B3GALT1: variants seen among roughly 807,000 people sequenced by gnomAD.
The protein encoded by B3GALT1 is UDP-Gal:betaGlcNAc beta 1,3-galactosyltransferase, polypeptide 1.
In B3GALT1, 10 loss-of-function variants were observed where a neutral mutation model predicts 23.2. That is an observed-to-expected ratio of 0.43 (90% CI 0.27 to 0.73). B3GALT1 has a LOEUF of 0.73. B3GALT1 is among the 30% of genes least tolerant of loss of function. The pLI, the probability that B3GALT1 is intolerant of heterozygous loss-of-function variation, is 0.21. For synonymous variants in B3GALT1, 156 were observed against 141.5 expected (o/e 1.10, Z -0.73); for missense variants, 299 against 405.4 (o/e 0.74, Z 2.25).
At chr2:167,457,198 A>G (rs1699185421) in intron 1 of B3GALT1, among the ~76,000 whole-genome samples, 1 of 151,938 alleles carries the variant, frequency 6.6e-6, no homozygotes, top group Admixed American at 6.6e-5. Flanking sequence ...TTTGAGACGG[A>G]GTCTTACTTT....
chr2:167,701,334 T>G (rs1686879352), intron 3 of B3GALT1, among the ~76,000 whole-genome samples: 1 of 152,064 alleles, frequency 6.6e-6, no homozygotes, highest in African/African-American at 2.4e-5. Context: ...GGGAAGAGTC[T>G]TGGTGCTAGG....
chr2:167,317,120 T>G (rs1327456459), intron 1 of B3GALT1, among the ~76,000 whole-genome samples: 1 of 152,148 alleles, frequency 6.6e-6, no homozygotes, highest in Non-Finnish European at 1.5e-5. Flanking sequence ...TCTAATTATT[T>G]CACAGTGAAG....
At chr2:167,742,625 T>G (rs1175776970) in intron 3 of B3GALT1, among the ~76,000 whole-genome samples, 1 of 152,210 alleles carries the variant, frequency 6.6e-6, no homozygotes, top group African/African-American at 2.4e-5. Flanking sequence ...TAGAACTTCA[T>G]GCTAACCACT....
intron 1 of B3GALT1, among the ~76,000 whole-genome samples, chr2:167,315,355 CT>C (rs1696697791): frequency 6.6e-6 from 1 of 152,024 alleles, no homozygotes; most frequent in South Asian, 2.1e-4. Context: ...ACAGAAAACA[CT>C]AATTTTTTTT....
intron 4 of B3GALT1, among the ~76,000 whole-genome samples, chr2:167,852,504 G>GTA (rs1553496256): frequency 7.2e-6 from 1 of 138,750 alleles, no homozygotes; most frequent in Non-Finnish European, 1.6e-5. Context: ...GTGTGTGTGT[G>GTA]TACGTGCTTA....
chr2:167,375,888 A>G (rs887470087), intron 1 of B3GALT1, among the ~76,000 whole-genome samples: 1 of 152,108 alleles, frequency 6.6e-6, no homozygotes, highest in Non-Finnish European at 1.5e-5. Flanking sequence ...GAGAGGAGGC[A>G]TCCTTGTCTT....
intron 1 of B3GALT1, among the ~76,000 whole-genome samples, chr2:167,488,367 T>C (rs1699656020): frequency 2.6e-5 from 4 of 152,240 alleles, no homozygotes; most frequent in Non-Finnish European, 5.9e-5. Context: ...GACTCTAATG[T>C]CTGTGAGAAT....
intron 3 of B3GALT1, among the ~76,000 whole-genome samples, chr2:167,653,486 G>A (rs1268226911): frequency 6.6e-6 from 1 of 152,078 alleles, no homozygotes; most frequent in Non-Finnish European, 1.5e-5. Flanking sequence ...ACCTGCTTGA[G>A]CTGCCAACGT....
intron 3 of B3GALT1, among the ~76,000 whole-genome samples, chr2:167,800,177 A>G (rs561965386): frequency 5.9e-5 from 9 of 152,360 alleles, no homozygotes; most frequent in African/African-American, 9.6e-5. Flanking sequence ...ATGCAGTCCA[A>G]TTAAACTTTT....
At chr2:167,860,583 C>T (rs779153283) in intron 4 of B3GALT1, among the ~76,000 whole-genome samples, 8 of 152,142 alleles carry the variant, frequency 5.3e-5, no homozygotes, top group Non-Finnish European at 1.0e-4. Context: ...AGAAGTTATT[C>T]AGAGTCAATT....
chr2:167,396,614 T>G (rs562460117), intron 1 of B3GALT1, among the ~76,000 whole-genome samples: 4 of 151,228 alleles, frequency 2.6e-5, no homozygotes, highest in African/African-American at 9.7e-5. Context: ...TAAATTATAT[T>G]TATTTTTGAA....
intron 4 of B3GALT1, among the ~76,000 whole-genome samples, chr2:167,858,145 G>A (rs990113183): frequency 1.3e-5 from 2 of 151,962 alleles, no homozygotes; most frequent in Non-Finnish European, 2.9e-5. Context: ...TTTGAGAAAA[G>A]CAAAATTCTA....
At chr2:167,591,742 G>T (rs1192525856) in intron 2 of B3GALT1, among the ~76,000 whole-genome samples, 1 of 152,056 alleles carries the variant, frequency 6.6e-6, no homozygotes, top group Admixed American at 6.6e-5. Flanking sequence ...TAAAGTGGTG[G>T]GATTACAGGC....
chr2:167,427,518 T>C lies in B3GALT1; in HGVS notation c.-510-62659T>C, dbSNP rs147915978. ...TCAGGCCTAAAATTTTTAGCCACTTTGGATACTTTCATGTAGTCTTTATGT... is the reference window on the plus strand; with the variant it reads ...TCAGGCCTAAAATTTTTAGCCACTTCGGATACTTTCATGTAGTCTTTATGT... On this transcript the variant is annotated intron_variant, in intron 1 of 4. Transcript: ENST00000392690. Among the ~76,000 whole-genome samples, 720 of 152,332 alleles carry C rather than the reference T, an allele frequency of 4.7e-3. 5 individuals carry two copies. The highest frequency in any genetic ancestry group is 0.018 in the East Asian group (94 of 5,186).
At chr2:167,650,374 C>G (rs190717626) in intron 3 of B3GALT1, among the ~76,000 whole-genome samples, 2 of 150,540 alleles carry the variant, frequency 1.3e-5, no homozygotes, top group Admixed American at 1.3e-4. Context: ...CAGAGAACCA[C>G]TTGGTCATGT....
At chr2:167,461,182 C>T (rs1699254161) in intron 1 of B3GALT1, among the ~76,000 whole-genome samples, 1 of 152,154 alleles carries the variant, frequency 6.6e-6, no homozygotes, top group Admixed American at 6.6e-5. Flanking sequence ...TCATTCTGCC[C>T]ACTCTGGGCC....
intron 1 of B3GALT1, among the ~76,000 whole-genome samples, chr2:167,392,971 A>C (rs1698038178): frequency 1.3e-5 from 2 of 152,166 alleles, no homozygotes; most frequent in South Asian, 2.1e-4. Flanking sequence ...GCAGTGGCTC[A>C]CACCTGTAAT....
rs114581065 is a variant in B3GALT1, at chr2:167,693,946, C to T, written c.-352+46980C>T. Among the ~76,000 whole-genome samples, 26 of 152,190 alleles carry T rather than the reference C, an allele frequency of 1.7e-4. No homozygotes were observed. The South Asian group carries it at 4.2e-3, about 24-fold the overall frequency. ...TCTGAGCTGGGCAGTTCTTCTTTTCCGTGTGCCGTTGTCTGGGGTTCCTTA... is the reference window on the plus strand; with the variant it reads ...TCTGAGCTGGGCAGTTCTTCTTTTCTGTGTGCCGTTGTCTGGGGTTCCTTA... On this transcript the variant is annotated intron_variant, in intron 3 of 4. Coordinates refer to ENST00000392690, the MANE Select transcript of B3GALT1 (RefSeq NM_020981.4).
At chr2:167,357,018 ATG>A (rs981311341) in intron 1 of B3GALT1, among the ~76,000 whole-genome samples, 10 of 150,880 alleles carry the variant, frequency 6.6e-5, no homozygotes, top group East Asian at 3.9e-4. Flanking sequence ...CCCAGTTTGT[ATG>A]TGTGTGTGTG....
Sources: allele counts gnomAD v4.1 joint callset (sites outside exome capture counted in the v4.1 genomes callset), GRCh38; gene constraint gnomAD v4.1.1; transcripts MANE v1.5; gene names NCBI Gene and HGNC (gene_info 2026-07-23, HGNC 2026-07-21).